RBMS3: variants seen among roughly 807,000 people sequenced by gnomAD.
RBMS3 encodes the protein RNA binding motif single stranded interacting protein 3.
Under a neutral mutation model 66.8 loss-of-function variants are expected in RBMS3, and 27 were observed. That is an observed-to-expected ratio of 0.40 (90% confidence interval 0.30 to 0.56). The LOEUF is 0.56. RBMS3 is among the 20% of genes least tolerant of loss of function. The pLI, the probability that RBMS3 is intolerant of heterozygous loss-of-function variation, is 0.40. For missense variants in RBMS3, 513 were observed against 549.5 expected (o/e 0.93, Z 0.66); for synonymous variants, 188 against 183.0 (o/e 1.03, Z -0.22).
chr3:29,895,028 AT>A (rs562682063), intron 8 of RBMS3, among the ~76,000 whole-genome samples: 82 of 151,624 alleles, frequency 5.4e-4, no homozygotes, highest in Admixed American at 9.2e-4. Flanking sequence ...GAAGTAGGCA[AT>A]AGCCTGATTG....
chr3:29,392,021 G>C (rs535361305), intron 1 of RBMS3, among the ~76,000 whole-genome samples: 1 of 152,116 alleles, frequency 6.6e-6, no homozygotes, highest in East Asian at 1.9e-4. Context: ...AGGTCGAGGA[G>C]GGTGGATCAC....
intron 7 of RBMS3, among the ~76,000 whole-genome samples, chr3:29,874,699 G>T (rs1444359517): frequency 6.6e-6 from 1 of 152,166 alleles, no homozygotes; most frequent in Non-Finnish European, 1.5e-5. Flanking sequence ...AATTTAGAGA[G>T]CAAGCTCAAG....
At chr3:29,855,857 C>T (rs1397154012) in intron 6 of RBMS3, among the ~76,000 whole-genome samples, 1 of 152,044 alleles carries the variant, frequency 6.6e-6, no homozygotes, top group East Asian at 1.9e-4. Context: ...TGCATGTGTG[C>T]ATGTATGTGT....
chr3:29,671,060 G>A (rs1032524176), intron 4 of RBMS3, among the ~76,000 whole-genome samples: 1 of 152,180 alleles, frequency 6.6e-6, no homozygotes, highest in Non-Finnish European at 1.5e-5. Flanking sequence ...GCTTCCAGAG[G>A]AAGGATCAGA....
chr3:29,549,525 G>A (rs922820953), intron 3 of RBMS3, among the ~76,000 whole-genome samples: 6 of 150,610 alleles, frequency 4.0e-5, no homozygotes, highest in Admixed American at 1.3e-4. Context: ...TCAGCCTCCC[G>A]AATAGTTGAG....
At chr3:29,814,867 T>G (rs1576887825) in intron 6 of RBMS3, among the ~76,000 whole-genome samples, 1 of 152,338 alleles carries the variant, frequency 6.6e-6, no homozygotes, top group Middle Eastern at 3.4e-3. Context: ...GGAAAATAAC[T>G]AATGCTAATT....
chr3:29,807,486 G>A (rs761476077), intron 6 of RBMS3, among the ~76,000 whole-genome samples: 3 of 151,876 alleles, frequency 2.0e-5, no homozygotes, highest in Non-Finnish European at 4.4e-5. Flanking sequence ...CTGTCCCACA[G>A]AAATAATAGC....
intron 6 of RBMS3, among the ~76,000 whole-genome samples, chr3:29,786,338 A>T (rs181127454): frequency 7.7e-4 from 116 of 150,514 alleles, no homozygotes; most frequent in Admixed American, 8.5e-4. Context: ...GAAAAAAAAT[A>T]AAAAAATCCT....
intron 3 of RBMS3, among the ~76,000 whole-genome samples, chr3:29,499,840 C>G (rs13319831): frequency 0.13 from 20,009 of 152,082 alleles, 1,938 homozygotes; most frequent in African/African-American, 0.27. Flanking sequence ...ACAATTCAAA[C>G]AGCAGCAGCT....
intron 4 of RBMS3, among the ~76,000 whole-genome samples, chr3:29,706,214 A>C (rs2052884564): frequency 6.6e-6 from 1 of 152,200 alleles, no homozygotes; most frequent in South Asian, 2.1e-4. Context: ...AATCCCCTTC[A>C]CAAAGGCATT....
intron 3 of RBMS3, among the ~76,000 whole-genome samples, chr3:29,557,994 TGA>T (rs1317098730): frequency 6.6e-6 from 1 of 151,944 alleles, no homozygotes; most frequent in African/African-American, 2.4e-5. Context: ...ATAGACAAGC[TGA>T]GATAAAGGGA....
intron 10 of RBMS3, among the ~76,000 whole-genome samples, chr3:29,912,168 T>C (rs2060533139): frequency 1.3e-5 from 2 of 152,076 alleles, no homozygotes; most frequent in African/African-American, 4.8e-5. Context: ...CCAACTACAG[T>C]ATAATTTTAT....
intron 7 of RBMS3, among the ~76,000 whole-genome samples, chr3:29,873,032 C>A (rs2059529354): frequency 6.6e-6 from 1 of 152,116 alleles, no homozygotes; most frequent in Admixed American, 6.6e-5. Context: ...TAACATGATG[C>A]CTCCAACTTT....
intron 1 of RBMS3, among the ~76,000 whole-genome samples, chr3:29,328,479 A>G (rs1252169355): frequency 6.6e-6 from 1 of 152,104 alleles, no homozygotes; most frequent in Non-Finnish European, 1.5e-5. Flanking sequence ...TCATCCCAGA[A>G]TTAGTGTTGG....
rs535604050 is a variant in RBMS3, at chr3:29,759,245, G to T, written c.558-3665G>T. Among the ~76,000 whole-genome samples the T allele has an allele frequency of 2.6e-5, 4 of 152,216 alleles. No individual in the cohort carries two copies. The South Asian group carries it at 8.3e-4, about 32-fold the overall frequency. ...AAGGAAGAAGAAGCACAATTCTGTG[G>T]TGTGTTTCAAATAACTGAAGCCAGT... On this transcript the variant is annotated intron_variant, in intron 5 of 14. Coordinates refer to ENST00000383767, the MANE Select transcript of RBMS3 (RefSeq NM_001003793.3).
chr3:29,881,847 G>C (rs1245757212), intron 7 of RBMS3, among the ~76,000 whole-genome samples: 1 of 152,132 alleles, frequency 6.6e-6, no homozygotes, highest in East Asian at 1.9e-4. Context: ...GGGCTAGATA[G>C]CATTGGTCTC....
At chr3:29,389,252 T>G (rs13086016) in intron 1 of RBMS3, among the ~76,000 whole-genome samples, 8 of 152,028 alleles carry the variant, frequency 5.3e-5, no homozygotes, top group Admixed American at 4.6e-4. Flanking sequence ...TTTTATTTTC[T>G]CTGTTAACAC....
chr3:29,956,709 C>T lies in RBMS3; in HGVS notation c.1098+12455C>T, dbSNP rs1200787703. On this transcript the variant is annotated intron_variant, in intron 12 of 14. Coordinates refer to ENST00000383767, the MANE Select transcript of RBMS3 (RefSeq NM_001003793.3). ...AACTGCCATCCTTTGGCAGGACTAG[C>T]ACAATATCCATCTAACTGGTCGGAC... Among the ~76,000 whole-genome samples the T allele has an allele frequency of 2.0e-5, 3 of 152,118 alleles. No homozygotes were observed. The East Asian group carries it at 5.8e-4, about 29-fold the overall frequency.
chr3:29,865,688 G>C (rs1056529744), intron 6 of RBMS3, among the ~76,000 whole-genome samples: 1 of 152,118 alleles, frequency 6.6e-6, no homozygotes, highest in Non-Finnish European at 1.5e-5. Context: ...ACATCCAAGA[G>C]GACAATCAAG....
Sources: gnomAD v4.1 joint callset for allele counts (sites outside exome capture counted in the v4.1 genomes callset) on GRCh38, gnomAD v4.1.1 for gene constraint, MANE v1.5 for transcripts, NCBI Gene and HGNC (gene_info 2026-07-23, HGNC 2026-07-21) for gene names.